PCDH9: variants seen among roughly 807,000 people sequenced by gnomAD.
PCDH9 encodes protocadherin 9, also known as protocadherin-9.
A neutral mutation model predicts 70.6 loss-of-function variants in PCDH9; 24 were observed. That is an observed-to-expected ratio of 0.34 (90% CI 0.25 to 0.48). The LOEUF (loss-of-function observed/expected upper bound fraction) is 0.48. PCDH9 is among the 20% of genes least tolerant of loss of function. The probability of loss-of-function intolerance (pLI) is 0.99; values close to 1 mark genes in which losing one functional copy is unlikely to be tolerated. For synonymous variants in PCDH9, 562 were observed against 558.5 expected, an observed-to-expected ratio of 1.01 and a Z score of -0.09; for missense variants, 1,281 against 1,503.6, an observed-to-expected ratio of 0.85 and a Z score of 2.45.
chr13:67,111,750 C>T (rs954344697), intron 2 of PCDH9, among the ~76,000 whole-genome samples: 1 of 151,792 alleles, frequency 6.6e-6, no homozygotes, highest in East Asian at 1.9e-4. Context: ...ACAGTGGAAC[C>T]GAAGACAAAA....
intron 4 of PCDH9, among the ~76,000 whole-genome samples, chr13:66,443,819 C>T (rs1205114572): frequency 2.0e-5 from 3 of 152,010 alleles, no homozygotes; most frequent in African/African-American, 4.8e-5. Context: ...TTGGTCATTA[C>T]CCTCCACATA....
At chr13:66,789,418 C>A (rs2080128821) in intron 3 of PCDH9, among the ~76,000 whole-genome samples, 1 of 152,082 alleles carries the variant, frequency 6.6e-6, no homozygotes, top group Non-Finnish European at 1.5e-5. Context: ...CTTTCCTTGG[C>A]AATTGGACAA....
intron 2 of PCDH9, among the ~76,000 whole-genome samples, chr13:67,079,136 T>C (rs1009318362): frequency 4.6e-5 from 7 of 151,954 alleles, no homozygotes; most frequent in Admixed American, 1.3e-4. Flanking sequence ...GGTAGCAGTG[T>C]GTAATATAAT....
chr13:67,054,247 C>T lies in PCDH9; in HGVS notation c.3037-150642G>A, dbSNP rs181211244. ...TAACAGAAGAGTTAATTTAAACACC[C>T]GCTCTTTTGAAATTGTATTATTTTT... On this transcript the variant is annotated intron_variant, in intron 2 of 4. Transcript: ENST00000377865. 9.7e-4 allele frequency among the ~76,000 whole-genome samples: 147 copies of T among 152,258 alleles called. 1 individual carries two copies. Among genetic ancestry groups the T allele is most frequent in the African/African-American group, 3.4e-3 (141 of 41,554 alleles).
intron 3 of PCDH9, among the ~76,000 whole-genome samples, chr13:66,737,118 G>A (rs919178930): frequency 2.0e-5 from 3 of 152,196 alleles, no homozygotes; most frequent in African/African-American, 7.2e-5. Flanking sequence ...GTGAGAAGAT[G>A]TAATAATTTT....
chr13:66,762,480 G>C (rs115633368), intron 3 of PCDH9, among the ~76,000 whole-genome samples: 2,392 of 152,098 alleles, frequency 0.016, 94 homozygotes, highest in African/African-American at 0.054. Flanking sequence ...TCAAGCTTAT[G>C]ATATATTTCT....
chr13:66,617,055 A>G (rs1275166845), intron 4 of PCDH9, among the ~76,000 whole-genome samples: 1 of 152,188 alleles, frequency 6.6e-6, no homozygotes, highest in Non-Finnish European at 1.5e-5. Context: ...TCATGGATAA[A>G]GGCCACGTTA....
At chr13:66,974,226 T>G (rs1785982445) in intron 2 of PCDH9, among the ~76,000 whole-genome samples, 1 of 151,992 alleles carries the variant, frequency 6.6e-6, no homozygotes, top group Admixed American at 6.6e-5. Context: ...TACACTACAA[T>G]GCATCCTCTC....
intron 2 of PCDH9, among the ~76,000 whole-genome samples, chr13:67,109,244 C>T (rs2086608515): frequency 6.6e-6 from 1 of 152,142 alleles, no homozygotes; most frequent in African/African-American, 2.4e-5. Flanking sequence ...CCTTCCTCTA[C>T]CCTTCCTCAA....
At position 66,849,507 on chromosome 13, in the gene PCDH9, TATATATATATAG is replaced by T. The variant is rs1386581961; in HGVS notation, c.3138+53985_3138+53996del. Among the ~76,000 whole-genome samples, 70 of 90,010 alleles carry T rather than the reference TATATATATATAG, an allele frequency of 7.8e-4. 1 individual carries two copies. The East Asian group carries it at 0.017, about 22-fold the overall frequency. 59.1% of individuals were successfully genotyped at this position (90,010 alleles called of 152,430 possible). ...GTAGGTATATATATATATATATATA[TATATATATATAG>T]AGAGAGAGAGAGAGAGAGAGAGAGA... On this transcript the variant is annotated intron_variant, in intron 3 of 4. Transcript: ENST00000377865.
At chr13:67,196,758 T>G (rs2089075641) in intron 2 of PCDH9, among the ~76,000 whole-genome samples, 1 of 151,982 alleles carries the variant, frequency 6.6e-6, no homozygotes, top group African/African-American at 2.4e-5. Flanking sequence ...AGTGTTAGAT[T>G]ACCAAAAAAC....
intron 4 of PCDH9, among the ~76,000 whole-genome samples, chr13:66,369,256 T>TGCACTATACTTGC (rs1402228870): frequency 5.3e-5 from 8 of 152,252 alleles, no homozygotes; most frequent in South Asian, 2.1e-4. Flanking sequence ...GTTAAACTTG[T>TGCACTATACTTGC]GCACTATACT....
chr13:66,812,513 A>T, intron 3 of PCDH9, among the ~76,000 whole-genome samples: 1 of 152,322 alleles, frequency 6.6e-6, no homozygotes, highest in South Asian at 2.1e-4. Flanking sequence ...ATTTGCATAA[A>T]AATGTACCTG....
At chr13:66,371,519 T>C (rs1956652489) in intron 4 of PCDH9, among the ~76,000 whole-genome samples, 1 of 152,092 alleles carries the variant, frequency 6.6e-6, no homozygotes, top group South Asian at 2.1e-4. Context: ...TATTGAGGTA[T>C]ATTTTATAAT....
chr13:66,654,042 A>C (rs2077891961), intron 3 of PCDH9, among the ~76,000 whole-genome samples: 1 of 151,560 alleles, frequency 6.6e-6, no homozygotes, highest in Admixed American at 6.6e-5. Context: ...TTATTGCAGC[A>C]CTATTCACAA....
chr13:66,682,871 G>T (rs1488250780), intron 3 of PCDH9, among the ~76,000 whole-genome samples: 1 of 152,090 alleles, frequency 6.6e-6, no homozygotes, highest in Admixed American at 6.6e-5. Context: ...TTGAAAAATA[G>T]ACCTGTATGG....
At chr13:67,216,195 C>T (rs947469913) in intron 2 of PCDH9, 10 of 151,890 alleles carry the variant, frequency 6.6e-5, no homozygotes, top group Non-Finnish European at 2.9e-5. Context: ...AAAACAGAGA[C>T]TTTAGGTGTC....
At chr13:66,569,453 T>C (rs1177611742) in intron 4 of PCDH9, among the ~76,000 whole-genome samples, 2 of 152,178 alleles carry the variant, frequency 1.3e-5, no homozygotes, top group Non-Finnish European at 2.9e-5. Context: ...GTACAATATA[T>C]ACAATTATAT....
At chr13:66,317,218 GA>G (rs1593789432) in intron 4 of PCDH9, among the ~76,000 whole-genome samples, 3 of 150,864 alleles carry the variant, frequency 2.0e-5, no homozygotes, top group Admixed American at 6.6e-5. Flanking sequence ...GATATATTTA[GA>G]AAAAAAAAGT....
Sources: gnomAD v4.1 joint callset for allele counts (sites outside exome capture counted in the v4.1 genomes callset) on GRCh38, gnomAD v4.1.1 for gene constraint, MANE v1.5 for transcripts, NCBI Gene and HGNC (gene_info 2026-07-23, HGNC 2026-07-21) for gene names.